The following C20orf204 variants were observed in gnomAD, a reference collection of about 807,000 sequenced individuals.
C20orf204 encodes the protein uncharacterized protein C20orf204.
C20orf204 carries 6 observed loss-of-function variants against 3.6 expected under a neutral mutation model. That is an observed-to-expected ratio of 1.68 (90% CI 0.92 to 3.31). The LOEUF is 3.31. Among genes scored for constraint, C20orf204 ranks in the 30% most tolerant of loss-of-function variants. C20orf204 has a pLI of 0.00. For synonymous variants in C20orf204, 80 were observed against 41.4 expected, an observed-to-expected ratio of 1.93 and a Z score of -3.58; for missense variants, 167 against 89.7, an observed-to-expected ratio of 1.86 and a Z score of -3.48.
At chr20:64,037,697 G>A (rs560315769) in intron 1 of C20orf204, 3 of 394,852 alleles carry the variant, frequency 7.6e-6, no homozygotes, top group Non-Finnish European at 1.3e-5. Flanking sequence ...TTTGCAGGGA[G>A]CATAGAACTG....
chr20:64,037,910 C>T lies in C20orf204; in HGVS notation c.4-17C>T, dbSNP rs2059343570. ...GAACACCCCCCAGGCCTAACCCCAA[C>T]CTGCTGTCTCCTCCAGGTACCCCCT... On this transcript the variant is annotated splice_polypyrimidine_tract_variant and intron_variant, in intron 1 of 3. Transcript: ENST00000636176. 7.0e-6 allele frequency: 3 copies of T among 428,292 alleles called. No individual in the cohort carries two copies. Among genetic ancestry groups the T allele is most frequent in the Middle Eastern group, 6.0e-4 (1 of 1,680 alleles). 26.5% of individuals were successfully genotyped at this position (428,292 alleles called of 1,614,324 possible). A position where few individuals can be genotyped will look rare whatever the true frequency, so the allele number is the denominator to read the frequency against.
chr20:64,035,197 T>C (rs1429987314), upstream of C20orf204: 1 of 152,216 alleles, frequency 6.6e-6, no homozygotes, highest in East Asian at 1.9e-4. Flanking sequence ...CTTGCAAACA[T>C]TAAAGAGTGC....
chr20:64,038,600 C>G (rs763967705), intron 3 of C20orf204, 22 bp from the exon 4 acceptor site: 50 of 527,722 alleles, frequency 9.5e-5, no homozygotes, highest in Non-Finnish European at 1.5e-4. Context: ...TGCGCATTCG[C>G]TGACCGCCCT....
intron 1 of C20orf204, chr20:64,037,663 G>A (rs540645042): frequency 5.6e-4 from 210 of 372,278 alleles, no homozygotes; most frequent in Non-Finnish European, 7.1e-5. Context: ...CCTCCCAGCC[G>A]ACATCACTCA....
chr20:64,037,688 T>C, intron 1 of C20orf204: 1 of 390,608 alleles, frequency 2.6e-6, no homozygotes, highest in Non-Finnish European at 4.5e-6. Context: ...TTTCACATCT[T>C]TGCAGGGAGC....
upstream of C20orf204, among the ~76,000 whole-genome samples, chr20:64,033,997 G>A (rs2059329184): frequency 6.6e-6 from 1 of 152,222 alleles, no homozygotes; most frequent in South Asian, 2.1e-4. Context: ...TCATGTGTGT[G>A]CATTCAGTTG....
At chr20:64,033,869 C>T (rs895884106), upstream of C20orf204, among the ~76,000 whole-genome samples, 3 of 152,252 alleles carry the variant, frequency 2.0e-5, no homozygotes, top group African/African-American at 7.2e-5. Flanking sequence ...TAATGGTTCT[C>T]ATCTCCAGGT....
In C20orf204 at chr20:64,038,833, C is replaced by G. The variant is rs1392198545; in HGVS notation, c.*74C>G. On this transcript the variant is annotated 3_prime_UTR_variant, in exon 4 of 4. Transcript: ENST00000636176. Reference sequence around the variant, plus strand: ...GCAGAGCCTGGAGACGCGCCTCGTTCTGTAGACTTGTTGGTGACCTCGGCC... The same window carrying G: ...GCAGAGCCTGGAGACGCGCCTCGTTGTGTAGACTTGTTGGTGACCTCGGCC... 1.4e-6 allele frequency: 1 copy of G among 714,864 alleles called. No individual in the cohort carries two copies. 44.3% of individuals were successfully genotyped at this position (714,864 alleles called of 1,614,324 possible). A position where few individuals can be genotyped will look rare whatever the true frequency, so the allele number is the denominator to read the frequency against.
chr20:64,035,802 T>G (rs1029033872), upstream of C20orf204: 1 of 152,164 alleles, frequency 6.6e-6, no homozygotes, highest in African/African-American at 2.4e-5. Context: ...GGGGAGGGGA[T>G]GAGGGCCTCC....
chr20:64,035,801 A>T (rs1601538881), upstream of C20orf204: 1 of 152,194 alleles, frequency 6.6e-6, no homozygotes, highest in South Asian at 2.1e-4. Context: ...TGGGGAGGGG[A>T]TGAGGGCCTC....
upstream of C20orf204, chr20:64,035,430 C>T (rs1176329205): frequency 6.6e-6 from 1 of 152,218 alleles, no homozygotes; most frequent in Non-Finnish European, 1.5e-5. Flanking sequence ...CTGACTTTTC[C>T]CCCTGGGAAA....
rs1470547640 is a variant in C20orf204 at position 64,038,012 on chromosome 20, TC to T, written c.93del (p.Asp32ThrfsTer18). 1.9e-6 allele frequency: 1 copy of T among 523,972 alleles called. No individual in the cohort carries two copies. Among genetic ancestry groups the T allele is most frequent in the South Asian group, 2.6e-5 (1 of 38,388 alleles). The allele number at this position is 523,972 out of a possible 1,614,324, so 32.5% of individuals were successfully genotyped here. A position where few individuals can be genotyped will look rare whatever the true frequency, so the allele number is the denominator to read the frequency against. On this transcript the variant is annotated frameshift_variant, in exon 2 of 4. Transcript: ENST00000636176. LOFTEE classifies it high-confidence loss of function. ...PSRAYSPACSVPDVLRHYRAI... is the reference protein window; with the variant it reads ...PSRAYSPACSXPDVLRHYRAI... ...CGCGCCTATTCCCCGGCCTGCAGCG[TC>T]CCCGACGTGCTCCGCCACTATCGCG...
At chr20:64,036,625 G>C (rs538190691) in intron 1 of C20orf204, 1 of 152,488 alleles carries the variant, frequency 6.6e-6, no homozygotes, top group South Asian at 2.1e-4. Context: ...GCCCCACCTG[G>C]GTGGGACACA....
In C20orf204 at chr20:64,038,675, G is replaced by T; in HGVS notation, c.486G>T (p.Gln162His). The change falls in exon 4 of 4, where the codon CAG (glutamine) becomes CAT (histidine). Residue 162 changes from glutamine to histidine, a missense_variant. Gln to His is a conservative substitution (Grantham distance 24). Coordinates refer to ENST00000636176, the MANE Select transcript of C20orf204 (RefSeq NM_001387010.1). ...RPARRRGGRR[Q>H]LLLRALDAVA... Reference sequence around the variant, plus strand: ...CCCGGCGTCGCGGCGGCCGAAGGCAGCTCCTGCTGCGCGCCCTGGACGCCG... The same window carrying T: ...CCCGGCGTCGCGGCGGCCGAAGGCATCTCCTGCTGCGCGCCCTGGACGCCG... 1 of 652,222 alleles carries T rather than the reference G, an allele frequency of 1.5e-6. No homozygotes were observed. 40.4% of individuals were successfully genotyped at this position (652,222 alleles called of 1,614,324 possible).
chr20:64,036,448 C>G (rs1320728172), intron 1 of C20orf204, 122 bp downstream of exon 1: 2 of 152,476 alleles, frequency 1.3e-5, no homozygotes, highest in Admixed American at 1.3e-4. Context: ...CCGGTTGGCT[C>G]TGGTCACTGC....
intron 1 of C20orf204, chr20:64,036,891 C>G (rs1230938691): frequency 1.3e-5 from 2 of 152,434 alleles, no homozygotes; most frequent in African/African-American, 4.8e-5. Context: ...CAGCTCTATG[C>G]AAGGGTTGGG....
chr20:64,033,731 T>C (rs1569228393), upstream of C20orf204, among the ~76,000 whole-genome samples: 1 of 152,154 alleles, frequency 6.6e-6, no homozygotes, highest in Non-Finnish European at 1.5e-5. Flanking sequence ...GCTGCCAAAC[T>C]CCTGACCTCA....
chr20:64,037,740 G>C (rs979325697), intron 1 of C20orf204, 187 bp from the exon 2 acceptor site: 1 of 398,952 alleles, frequency 2.5e-6, no homozygotes, highest in Non-Finnish European at 4.4e-6. Context: ...TGTGTCTCCT[G>C]ATTTATCCCG....
At chr20:64,037,750 G>A (rs943169456) in intron 1 of C20orf204, 177 bp from the exon 2 acceptor site, 3 of 399,882 alleles carry the variant, frequency 7.5e-6, no homozygotes, top group Admixed American at 4.4e-5. Context: ...GATTTATCCC[G>A]CCAGGCCTGT....
Sources: allele counts gnomAD v4.1 joint callset (sites outside exome capture counted in the v4.1 genomes callset), GRCh38; gene constraint gnomAD v4.1.1; transcripts MANE v1.5; gene names NCBI Gene and HGNC (gene_info 2026-07-23, HGNC 2026-07-21).